SPATA16: variants seen among roughly 807,000 people sequenced by gnomAD.
SPATA16 encodes spermatogenesis associated 16.
Under a neutral mutation model 63.3 loss-of-function variants are expected in SPATA16, and 36 were observed. The observed-to-expected ratio is 0.57, with a 90% CI of 0.44 to 0.75. The LOEUF is 0.75. SPATA16 is among the 30% of genes least tolerant of loss of function. The pLI, the probability that SPATA16 is intolerant of heterozygous loss-of-function variation, is 0.00. For missense variants in SPATA16, 646 were observed against 679.3 expected (o/e 0.95, Z 0.54); for synonymous variants, 203 against 216.7 (o/e 0.94, Z 0.56).
chr3:173,133,195 A>G (rs1205162283), intron 1 of SPATA16, among the ~76,000 whole-genome samples: 2 of 152,202 alleles, frequency 1.3e-5, no homozygotes, highest in African/African-American at 4.8e-5. Context: ...GTATTGTGAT[A>G]CTGGAACTGA....
chr3:173,088,028 TTC>T (rs1402602299), intron 2 of SPATA16, among the ~76,000 whole-genome samples: 1 of 124,136 alleles, frequency 8.1e-6, no homozygotes, highest in Non-Finnish European at 1.7e-5. Flanking sequence ...CTTTCTTTCT[TTC>T]TTTCTTTCTT....
intron 2 of SPATA16, among the ~76,000 whole-genome samples, chr3:173,066,002 C>T (rs563156846): frequency 6.6e-6 from 1 of 152,304 alleles, no homozygotes; most frequent in South Asian, 2.1e-4. Context: ...CTATGAGACA[C>T]TGGCCATGGT....
chr3:172,941,026 A>G (rs1733136793), intron 6 of SPATA16, among the ~76,000 whole-genome samples: 1 of 152,152 alleles, frequency 6.6e-6, no homozygotes, highest in Non-Finnish European at 1.5e-5. Context: ...ACATAAAAAA[A>G]AGATCTCAAG....
intron 1 of SPATA16, among the ~76,000 whole-genome samples, chr3:173,140,579 C>A (rs1414507680): frequency 6.6e-6 from 1 of 152,134 alleles, no homozygotes; most frequent in African/African-American, 2.4e-5. Context: ...TTGTTTCTCT[C>A]CCTAATATCC....
chr3:172,959,164 G>T (rs1733677063), intron 5 of SPATA16, among the ~76,000 whole-genome samples: 1 of 152,226 alleles, frequency 6.6e-6, no homozygotes. Flanking sequence ...TAGGATAGAA[G>T]AAAACGCTCT....
At chr3:173,089,075 T>C (rs1277169682) in intron 2 of SPATA16, among the ~76,000 whole-genome samples, 5 of 152,180 alleles carry the variant, frequency 3.3e-5, no homozygotes, top group Admixed American at 3.3e-4. Context: ...AGCAGATGTG[T>C]AGTTGGACCA....
Position 172,889,482 on chromosome 3 carries a change from C to A in SPATA16, c.*88G>T. ...CTTTTGGTGACAAGCTTTTGTTATCCAGCTTCACAGTACTAGGTGGGCATT... is the reference window on the plus strand; with the variant it reads ...CTTTTGGTGACAAGCTTTTGTTATCAAGCTTCACAGTACTAGGTGGGCATT... On this transcript the variant is annotated 3_prime_UTR_variant, in exon 11 of 11. Transcript: ENST00000351008. 6.3e-7 allele frequency: 1 copy of A among 1,586,760 alleles called. No individual in the cohort carries two copies. Among genetic ancestry groups the A allele is most frequent in the African/African-American group, 1.3e-5 (1 of 74,368 alleles).
intron 6 of SPATA16, among the ~76,000 whole-genome samples, chr3:172,927,472 T>A (rs949325534): frequency 9.2e-5 from 14 of 152,206 alleles, no homozygotes; most frequent in Admixed American, 9.2e-4. Context: ...CTTTGGTGAC[T>A]TAGGATCAAG....
chr3:172,950,140 A>T (rs1411781284), intron 6 of SPATA16, among the ~76,000 whole-genome samples: 1 of 152,190 alleles, frequency 6.6e-6, no homozygotes, highest in East Asian at 1.9e-4. Flanking sequence ...GTAAGACAAT[A>T]TGCTAAGCAG....
At chr3:173,115,532 A>AT (rs142037775) in intron 2 of SPATA16, among the ~76,000 whole-genome samples, 36 of 152,216 alleles carry the variant, frequency 2.4e-4, no homozygotes, top group African/African-American at 8.2e-4. Flanking sequence ...GATAATATGG[A>AT]TTTTTCCAGC....
chr3:172,912,452 G>T (rs145439822), intron 10 of SPATA16, among the ~76,000 whole-genome samples: 2,934 of 152,006 alleles, frequency 0.019, 29 homozygotes, highest in Middle Eastern at 0.058. Flanking sequence ...CAGTTTCTGG[G>T]TTTTTTTGTA....
intron 2 of SPATA16, among the ~76,000 whole-genome samples, chr3:173,084,350 C>G (rs942311037): frequency 3.0e-4 from 46 of 152,088 alleles, no homozygotes; most frequent in African/African-American, 1.1e-3. Context: ...TCTTTGCCCA[C>G]TTTTTAATAG....
intron 10 of SPATA16, among the ~76,000 whole-genome samples, chr3:172,903,391 T>G (rs763416306): frequency 8.5e-5 from 13 of 152,220 alleles, no homozygotes; most frequent in Non-Finnish European, 1.3e-4. Flanking sequence ...TCTGTTTTAG[T>G]CACTTCCATA....
intron 4 of SPATA16, among the ~76,000 whole-genome samples, chr3:173,007,903 C>G (rs1046806984): frequency 6.6e-6 from 1 of 151,786 alleles, no homozygotes; most frequent in Admixed American, 6.6e-5. Context: ...GCTTTTACAA[C>G]ATTTAGGGTA....
intron 5 of SPATA16, 111 bp from the exon 6 acceptor site, chr3:172,956,935 G>A: frequency 7.8e-7 from 1 of 1,281,640 alleles, no homozygotes; most frequent in Non-Finnish European, 1.1e-6. Flanking sequence ...ATACTGTACT[G>A]CAAAGATAAC....
intron 10 of SPATA16, among the ~76,000 whole-genome samples, chr3:172,909,235 A>G (rs913853769): frequency 1.3e-5 from 2 of 152,302 alleles, no homozygotes. Context: ...CTGCTACTCT[A>G]CATTGTTACC....
chr3:173,062,186 C>T (rs1736398036), intron 2 of SPATA16, among the ~76,000 whole-genome samples: 1 of 151,518 alleles, frequency 6.6e-6, no homozygotes, highest in Non-Finnish European at 1.5e-5. Flanking sequence ...TACACATTAA[C>T]CTTCAGAGTT....
chr3:173,060,940 TATA>T (rs1301676149), intron 2 of SPATA16, among the ~76,000 whole-genome samples: 1 of 152,208 alleles, frequency 6.6e-6, no homozygotes, highest in Non-Finnish European at 1.5e-5. Flanking sequence ...TCTATCTTCG[TATA>T]ATAAGAGATT....
At chr3:172,901,741 G>T (rs1180913764) in intron 10 of SPATA16, among the ~76,000 whole-genome samples, 1 of 152,192 alleles carries the variant, frequency 6.6e-6, no homozygotes, top group Non-Finnish European at 1.5e-5. Context: ...CTTCTGGGTG[G>T]TGATGGGAGT....
Sources: gnomAD v4.1 joint callset for allele counts (sites outside exome capture counted in the v4.1 genomes callset) on GRCh38, gnomAD v4.1.1 for gene constraint, MANE v1.5 for transcripts, NCBI Gene and HGNC (gene_info 2026-07-23, HGNC 2026-07-21) for gene names.